Variants in ATP8A2 observed in about 807,000 individuals in gnomAD.
ATP8A2 encodes the protein phospholipid-transporting ATPase IB.
Under a neutral mutation model 165.6 loss-of-function variants are expected in ATP8A2, and 100 were observed. That is an observed-to-expected ratio of 0.60 (90% confidence interval 0.51 to 0.71). The LOEUF is 0.71. ATP8A2 is among the 30% of genes least tolerant of loss of function. The probability of loss-of-function intolerance (pLI) is 0.00; values close to 1 mark genes in which losing one functional copy is unlikely to be tolerated. For synonymous variants in ATP8A2, 543 were observed against 548.8 expected (o/e 0.99, Z 0.15); for missense variants, 1,227 against 1,479.5 (o/e 0.83, Z 2.80).
At chr13:25,646,742 T>C (rs1453511699) in intron 24 of ATP8A2, among the ~76,000 whole-genome samples, 1 of 152,024 alleles carries the variant, frequency 6.6e-6, no homozygotes, top group Non-Finnish European at 1.5e-5. Flanking sequence ...TCAAGGTAAT[T>C]ATTGATAGAT....
intron 36 of ATP8A2, among the ~76,000 whole-genome samples, chr13:26,013,116 C>T (rs1040738991): frequency 6.9e-6 from 1 of 145,554 alleles, no homozygotes. Flanking sequence ...TGTGAAACAT[C>T]CCCTCTCCAC....
In ATP8A2 at chr13:25,427,368, A is replaced by T. The variant is rs148243745; in HGVS notation, c.77-41609A>T. Among the ~76,000 whole-genome samples, 220 of 152,094 alleles carry T rather than the reference A, an allele frequency of 1.4e-3. 2 individuals are homozygous for T. The highest frequency in any genetic ancestry group is 4.8e-3 in the African/African-American group (199 of 41,456). On this transcript the variant is annotated intron_variant, in intron 1 of 36. Coordinates refer to ENST00000381655, the MANE Select transcript of ATP8A2 (RefSeq NM_016529.6). The stretch of plus-strand genomic sequence containing the variant: ...GAAAACAAGCTCAAGGCTCCCACTG[A>T]TTCTACATTATGGTGATTTGCATAA...
rs17082723 is a variant in ATP8A2 at position 25,764,394 on chromosome 13, C to T, written c.2385-4652C>T. On this transcript the variant is annotated intron_variant, in intron 25 of 36. Coordinates refer to ENST00000381655, the MANE Select transcript of ATP8A2 (RefSeq NM_016529.6). ...AGAAAGGGGATAAGATTCAGTGTTTCTTGTAATTGTTAACTGTCACTATGG... is the reference window on the plus strand; with the variant it reads ...AGAAAGGGGATAAGATTCAGTGTTTTTTGTAATTGTTAACTGTCACTATGG... 4.6e-3 allele frequency among the ~76,000 whole-genome samples: 694 copies of T among 152,312 alleles called. 4 individuals carry two copies. The highest frequency in any genetic ancestry group is 0.016 in the African/African-American group (651 of 41,568).
At chr13:25,382,963 G>C (rs1165251492) in intron 1 of ATP8A2, among the ~76,000 whole-genome samples, 9 of 151,160 alleles carry the variant, frequency 6.0e-5, no homozygotes, top group Admixed American at 5.3e-4. Flanking sequence ...CATCATGTTA[G>C]CCAGGATGGT....
chr13:25,600,854 C>T (rs1169335758), intron 24 of ATP8A2, among the ~76,000 whole-genome samples: 2 of 152,068 alleles, frequency 1.3e-5, no homozygotes, highest in Admixed American at 6.5e-5. Flanking sequence ...AAATAAATAC[C>T]GAAGCCAGCA....
chr13:25,900,733 T>G (rs1593529210), intron 33 of ATP8A2, among the ~76,000 whole-genome samples: 1 of 152,146 alleles, frequency 6.6e-6, no homozygotes, highest in Non-Finnish European at 1.5e-5. Context: ...AAGATTTTAT[T>G]TTTATTTCTC....
intron 25 of ATP8A2, among the ~76,000 whole-genome samples, chr13:25,756,898 AG>A (rs1312097064): frequency 6.6e-6 from 1 of 152,228 alleles, no homozygotes; most frequent in African/African-American, 2.4e-5. Flanking sequence ...CTCTTCACAG[AG>A]GAGGAAAAAG....
At chr13:25,399,052 G>T (rs974845687) in intron 1 of ATP8A2, among the ~76,000 whole-genome samples, 36 of 152,256 alleles carry the variant, frequency 2.4e-4, no homozygotes, top group African/African-American at 8.4e-4. Context: ...ATGCCAATCT[G>T]TGGACTGGCA....
rs374397075 is a variant in ATP8A2, at chr13:25,953,522, T to TAA, written c.3184-8030_3184-8029dup. 3.8e-4 allele frequency among the ~76,000 whole-genome samples: 36 copies of TAA among 94,938 alleles called. No individual in the cohort carries two copies. Among genetic ancestry groups the TAA allele is most frequent in the African/African-American group, 7.3e-4 (17 of 23,380 alleles). 62.3% of individuals were successfully genotyped at this position (94,938 alleles called of 152,430 possible). ...GTAGCCCTGGTTACTCCAGCCTTTT[T>TAA]AAAAAAAAAAAAAAAAAAAAAAAAG... On this transcript the variant is annotated intron_variant, in intron 33 of 36. Coordinates refer to ENST00000381655, the MANE Select transcript of ATP8A2 (RefSeq NM_016529.6). The surrounding 1 kb of genome is among the most constrained non-coding windows in gnomAD (Gnocchi z 6.7).
chr13:25,761,289 T>C (rs919306378), intron 25 of ATP8A2, among the ~76,000 whole-genome samples: 1 of 152,046 alleles, frequency 6.6e-6, no homozygotes, highest in Non-Finnish European at 1.5e-5. Flanking sequence ...AGCATCAGGG[T>C]TTGTCATTAA....
chr13:25,743,677 A>T (rs1315664484), intron 25 of ATP8A2, among the ~76,000 whole-genome samples: 1 of 152,178 alleles, frequency 6.6e-6, no homozygotes, highest in Non-Finnish European at 1.5e-5. Context: ...ATTTTAGACA[A>T]ATGTGTCCTG....
At chr13:25,677,243 A>G (rs977394577) in intron 24 of ATP8A2, among the ~76,000 whole-genome samples, 3 of 152,212 alleles carry the variant, frequency 2.0e-5, no homozygotes, top group African/African-American at 7.2e-5. Flanking sequence ...AGTTCCTCAG[A>G]TGCACTCACC....
intron 33 of ATP8A2, among the ~76,000 whole-genome samples, chr13:25,955,771 T>C (rs993064614): frequency 6.6e-6 from 1 of 152,178 alleles, no homozygotes. Context: ...CCCTAAATCA[T>C]TTTATGAGGC....
Position 25,372,505 on chromosome 13 carries a change from A to C in ATP8A2, c.76+217A>C, listed in dbSNP as rs979244844. 1.3e-5 allele frequency among the ~76,000 whole-genome samples: 2 copies of C among 152,022 alleles called. No individual in the cohort carries two copies. The highest frequency in any genetic ancestry group is 2.4e-5 in the African/African-American group (1 of 41,382). ...GGCCAAAAGGCTCCAGGCCGGGGCG[A>C]GGTGAGCGGCGGGCGTCAGAGACCC... is the stretch of plus-strand genomic sequence containing the variant. On this transcript the variant is annotated intron_variant, in intron 1 of 36. Transcript: ENST00000381655. This position sits in a 1 kb window ranked among gnomAD's most constrained non-coding sequence, Gnocchi z 4.8.
chr13:25,963,738 A>G (rs563752941), intron 34 of ATP8A2, among the ~76,000 whole-genome samples: 4 of 152,378 alleles, frequency 2.6e-5, no homozygotes, highest in Admixed American at 2.0e-4. Context: ...GAGAATGTTT[A>G]TAGATTACAA....
At chr13:25,819,322 T>C (rs1459595986) in intron 27 of ATP8A2, among the ~76,000 whole-genome samples, 1 of 152,188 alleles carries the variant, frequency 6.6e-6, no homozygotes, top group East Asian at 1.9e-4. Context: ...GGCCCTGTCA[T>C]TATCACGGTA....
intron 1 of ATP8A2, among the ~76,000 whole-genome samples, chr13:25,386,768 C>A (rs556275760): frequency 6.6e-6 from 1 of 152,032 alleles, no homozygotes; most frequent in Non-Finnish European, 1.5e-5. Flanking sequence ...GAGGCTGAGG[C>A]GGGCGGATCA....
intron 24 of ATP8A2, among the ~76,000 whole-genome samples, chr13:25,648,188 A>C (rs1361220013): frequency 2.0e-5 from 3 of 152,020 alleles, no homozygotes; most frequent in Non-Finnish European, 2.9e-5. Context: ...AGATTAATTG[A>C]GCCTGGTGTT....
intron 25 of ATP8A2, among the ~76,000 whole-genome samples, chr13:25,740,009 A>G (rs2043872469): frequency 6.6e-6 from 1 of 152,150 alleles, no homozygotes; most frequent in Non-Finnish European, 1.5e-5. Flanking sequence ...TACATTGCTC[A>G]TCCTCAATAG....
Sources: allele counts gnomAD v4.1 joint callset (sites outside exome capture counted in the v4.1 genomes callset), GRCh38; gene constraint gnomAD v4.1.1; non-coding constraint Gnocchi (gnomAD v3.1); transcripts MANE v1.5; gene names NCBI Gene and HGNC (gene_info 2026-07-23, HGNC 2026-07-21).